The following ERC2 variants were observed in gnomAD, a reference collection of about 807,000 sequenced individuals.
ERC2 encodes the protein ERC protein 2.
ERC2 carries 42 observed loss-of-function variants against 114.8 expected under a neutral mutation model. The observed-to-expected ratio is 0.37, with a 90% CI of 0.29 to 0.47. ERC2 has a LOEUF of 0.47. ERC2 is among the 20% of genes least tolerant of loss of function. ERC2 has a pLI of 0.99. For synonymous variants in ERC2, 454 were observed against 425.5 expected, an observed-to-expected ratio of 1.07 and a Z score of -0.82; for missense variants, 939 against 1,150.7, an observed-to-expected ratio of 0.82 and a Z score of 2.66.
intron 2 of ERC2, among the ~76,000 whole-genome samples, chr3:56,415,968 G>A (rs2061137077): frequency 1.3e-5 from 2 of 152,140 alleles, no homozygotes; most frequent in African/African-American, 4.8e-5. Flanking sequence ...TGTCACCAAA[G>A]CACTCTTAAT....
At chr3:56,212,159 A>C (rs2049104984) in intron 3 of ERC2, among the ~76,000 whole-genome samples, 1 of 152,160 alleles carries the variant, frequency 6.6e-6, no homozygotes, top group Non-Finnish European at 1.5e-5. Flanking sequence ...AGAACAGAAT[A>C]AACAGAGAAC....
chr3:56,040,680 A>ATATATAGATG (rs2075127219), intron 7 of ERC2, among the ~76,000 whole-genome samples: 3 of 44,978 alleles, frequency 6.7e-5, no homozygotes, highest in East Asian at 1.1e-3. Context: ...AGATAGATAC[A>ATATATAGATG]TATATCTCTA....
intron 7 of ERC2, among the ~76,000 whole-genome samples, chr3:56,068,440 T>C (rs1403344999): frequency 6.6e-6 from 1 of 152,130 alleles, no homozygotes; most frequent in Non-Finnish European, 1.5e-5. Context: ...TCCTTCTTTA[T>C]TAGTCTAGCT....
chr3:55,867,649 C>T (rs966196331), intron 14 of ERC2, among the ~76,000 whole-genome samples: 1 of 152,102 alleles, frequency 6.6e-6, no homozygotes, highest in Non-Finnish European at 1.5e-5. Flanking sequence ...AATGTCAAGT[C>T]TTTTTCTTGA....
intron 7 of ERC2, among the ~76,000 whole-genome samples, chr3:56,021,045 G>A (rs568177900): frequency 1.1e-4 from 16 of 152,004 alleles, no homozygotes; most frequent in Admixed American, 5.2e-4. Flanking sequence ...TGATACTGCA[G>A]GTGTGACTGA....
intron 10 of ERC2, among the ~76,000 whole-genome samples, chr3:56,002,562 C>G (rs1576520585): frequency 1.3e-5 from 2 of 152,096 alleles, no homozygotes; most frequent in Non-Finnish European, 2.9e-5. Context: ...AGAATTGTTA[C>G]TATCTGTTAT....
At chr3:55,914,542 TCTTACCA>T (rs1170187327) in intron 13 of ERC2, among the ~76,000 whole-genome samples, 2 of 152,252 alleles carry the variant, frequency 1.3e-5, no homozygotes, top group South Asian at 2.1e-4. Context: ...ACAACTTGAT[TCTTACCA>T]CTTCTAGAAA....
chr3:55,801,139 G>A (rs1429254341), intron 14 of ERC2, among the ~76,000 whole-genome samples: 1 of 152,146 alleles, frequency 6.6e-6, no homozygotes, highest in Non-Finnish European at 1.5e-5. Flanking sequence ...TGAAATATCT[G>A]TTTCTATTGG....
At chr3:56,443,958 A>ATTTTTTTT (rs11343406) in intron 1 of ERC2, among the ~76,000 whole-genome samples, 12,435 of 79,410 alleles carry the variant, frequency 0.16, 1,144 homozygotes, top group Non-Finnish European at 0.2. Flanking sequence ...AATACCTACA[A>ATTTTTTTT]TTTTTTTTTT....
At chr3:56,240,444 T>C (rs1254160592) in intron 3 of ERC2, among the ~76,000 whole-genome samples, 1 of 152,210 alleles carries the variant, frequency 6.6e-6, no homozygotes, top group African/African-American at 2.4e-5. Flanking sequence ...GCTCAGAATC[T>C]TCATGTCTAG....
At chr3:56,135,711 C>T (rs2080466865) in intron 6 of ERC2, among the ~76,000 whole-genome samples, 1 of 152,164 alleles carries the variant, frequency 6.6e-6, no homozygotes, top group Admixed American at 6.5e-5. Flanking sequence ...CACACATCTC[C>T]CACTTCTAAA....
chr3:56,143,963 T>C (rs1461537712), intron 5 of ERC2, among the ~76,000 whole-genome samples: 3 of 152,196 alleles, frequency 2.0e-5, no homozygotes, highest in Non-Finnish European at 4.4e-5. Context: ...GAAAGGTTGA[T>C]ATGAATGGAA....
At chr3:56,379,067 TA>T (rs1441669549) in intron 2 of ERC2, among the ~76,000 whole-genome samples, 2 of 152,226 alleles carry the variant, frequency 1.3e-5, no homozygotes, top group Non-Finnish European at 2.9e-5. Flanking sequence ...AAATCACTGA[TA>T]CTTTACATTC....
chr3:56,046,440 A>G (rs2075464591), intron 7 of ERC2, among the ~76,000 whole-genome samples: 1 of 152,192 alleles, frequency 6.6e-6, no homozygotes, highest in Non-Finnish European at 1.5e-5. Flanking sequence ...TGATAAGGGC[A>G]TCTTTCATGA....
intron 7 of ERC2, among the ~76,000 whole-genome samples, chr3:56,020,447 A>G (rs2073632357): frequency 6.6e-6 from 1 of 152,168 alleles, no homozygotes. Context: ...CACTGTGAAA[A>G]TTAATTGCCA....
intron 7 of ERC2, among the ~76,000 whole-genome samples, chr3:56,044,472 T>C (rs1390921839): frequency 6.6e-6 from 1 of 152,108 alleles, no homozygotes; most frequent in South Asian, 2.1e-4. Context: ...GGGAATAAAA[T>C]GAAGAGATTT....
chr3:55,659,259 G>A (rs956392309), intron 17 of ERC2: 13 of 152,274 alleles, frequency 8.5e-5, no homozygotes, highest in African/African-American at 3.1e-4. Flanking sequence ...CCAGTCCTCA[G>A]GACATTCACA....
At chr3:56,254,968 C>G (rs113962857) in intron 3 of ERC2, among the ~76,000 whole-genome samples, 11 of 152,256 alleles carry the variant, frequency 7.2e-5, no homozygotes, top group African/African-American at 2.6e-4. Flanking sequence ...ATTCAAAGAC[C>G]ATGTGCCAAA....
chr3:55,715,760 T>G (rs888136148), intron 15 of ERC2, among the ~76,000 whole-genome samples: 1 of 152,192 alleles, frequency 6.6e-6, no homozygotes, highest in African/African-American at 2.4e-5. Context: ...TCTGGAATTT[T>G]AAGGTTAATG....
Sources: allele counts gnomAD v4.1 joint callset (sites outside exome capture counted in the v4.1 genomes callset), GRCh38; gene constraint gnomAD v4.1.1; transcripts MANE v1.5; gene names NCBI Gene and HGNC (gene_info 2026-07-23, HGNC 2026-07-21).